MSH3: variants seen among roughly 807,000 people sequenced by gnomAD.
The protein encoded by MSH3 is DNA mismatch repair protein Msh3.
Under a neutral mutation model 123.3 loss-of-function variants are expected in MSH3, and 106 were observed. The observed-to-expected ratio is 0.86, with a 90% CI of 0.73 to 1.01. MSH3 has a LOEUF of 1.01. Ranked by LOEUF, MSH3 falls within the 50% of genes least tolerant of loss-of-function variation. MSH3 has a pLI of 0.00. For missense variants in MSH3, 1,459 were observed against 1,347.6 expected, an observed-to-expected ratio of 1.08 and a Z score of -1.29; for synonymous variants, 515 against 481.4, an observed-to-expected ratio of 1.07 and a Z score of -0.91.
intron 21 of MSH3, among the ~76,000 whole-genome samples, chr5:80,864,056 A>T (rs760419470): frequency 6.6e-6 from 1 of 152,212 alleles, no homozygotes; most frequent in Non-Finnish European, 1.5e-5. Context: ...TGGCAAGGAA[A>T]TATACTCCTT....
chr5:80,699,914 T>C (rs1387668178), intron 8 of MSH3, among the ~76,000 whole-genome samples: 1 of 152,222 alleles, frequency 6.6e-6, no homozygotes, highest in East Asian at 1.9e-4. Context: ...CCTTTTCTGT[T>C]GTGGTATTCG....
At chr5:80,873,020 A>C (rs1746247854) in intron 22 of MSH3, 96 bp from the exon 23 acceptor site, 2 of 1,107,064 alleles carry the variant, frequency 1.8e-6, no homozygotes, top group African/African-American at 3.1e-5. Context: ...AGATTGTACG[A>C]TTTAATAAAG....
At position 80,723,315 on chromosome 5, in the gene MSH3, A is replaced by G. The variant is rs574710238; in HGVS notation, c.1341-2138A>G. On this transcript the variant is annotated intron_variant, in intron 8 of 23. Transcript: ENST00000265081. Reference sequence around the variant, plus strand: ...TGTGGTCGTGATACAGAGATAGACAAAAAGACCAGTGGAACAGCATGGAGA... The same window carrying G: ...TGTGGTCGTGATACAGAGATAGACAGAAAGACCAGTGGAACAGCATGGAGA... Among the ~76,000 whole-genome samples, 18 of 152,222 alleles carry G rather than the reference A, an allele frequency of 1.2e-4. 1 individual carries two copies. Among genetic ancestry groups the G allele is most frequent in the African/African-American group, 4.3e-4 (18 of 41,560 alleles).
rs1751016495 is a variant in MSH3 at position 80,718,818 on chromosome 5, T to C, written c.1341-6635T>C. 2.6e-5 allele frequency among the ~76,000 whole-genome samples: 4 copies of C among 152,210 alleles called. No individual in the cohort carries two copies. The South Asian group carries it at 8.3e-4, about 31-fold the overall frequency. On this transcript the variant is annotated intron_variant, in intron 8 of 23. Transcript: ENST00000265081. The stretch of plus-strand genomic sequence containing the variant: ...TATGAACCCAAGGGCCTAATGTATT[T>C]TGGCTTCATTGCAGTTGTTATTCTT...
chr5:80,753,746 C>T (rs1319513917), intron 12 of MSH3, among the ~76,000 whole-genome samples: 1 of 151,962 alleles, frequency 6.6e-6, no homozygotes, highest in Middle Eastern at 3.2e-3. Flanking sequence ...GGGTGAGACT[C>T]TCATCACATA....
intron 12 of MSH3, among the ~76,000 whole-genome samples, chr5:80,745,142 T>C (rs1037652401): frequency 2.6e-5 from 4 of 152,164 alleles, no homozygotes; most frequent in Non-Finnish European, 5.9e-5. Flanking sequence ...GATACTTGAA[T>C]CCAGTGCCTA....
chr5:80,834,138 CGT>C (rs1430804631), intron 20 of MSH3, among the ~76,000 whole-genome samples: 1 of 152,066 alleles, frequency 6.6e-6, no homozygotes, highest in Non-Finnish European at 1.5e-5. Flanking sequence ...GTACTACATC[CGT>C]ACCATCAGGT....
At chr5:80,816,915 G>A (rs1431983380) in intron 20 of MSH3, among the ~76,000 whole-genome samples, 1 of 152,150 alleles carries the variant, frequency 6.6e-6, no homozygotes, top group East Asian at 1.9e-4. Context: ...ATTATTCTGA[G>A]ACATTCAAAG....
chr5:80,684,340 C>T (rs1464188884), intron 8 of MSH3, among the ~76,000 whole-genome samples: 2 of 151,920 alleles, frequency 1.3e-5, no homozygotes, highest in Non-Finnish European at 2.9e-5. Flanking sequence ...TTTGTGTGTT[C>T]TCTTCAATGT....
intron 8 of MSH3, among the ~76,000 whole-genome samples, chr5:80,688,106 A>C (rs1750135430): frequency 1.3e-5 from 2 of 152,206 alleles, no homozygotes. Flanking sequence ...ATTCAGAAAG[A>C]TACTTGGTTA....
intron 12 of MSH3, among the ~76,000 whole-genome samples, chr5:80,755,460 T>G (rs770251955): frequency 3.9e-5 from 6 of 152,154 alleles, no homozygotes; most frequent in Admixed American, 1.3e-4. Context: ...TTCTCCATCT[T>G]TATGCCTTTA....
chr5:80,719,778 A>T (rs1195011841), intron 8 of MSH3, among the ~76,000 whole-genome samples: 1 of 152,206 alleles, frequency 6.6e-6, no homozygotes, highest in Non-Finnish European at 1.5e-5. Flanking sequence ...ACAAATATGT[A>T]TTACATGCTC....
intron 8 of MSH3, among the ~76,000 whole-genome samples, chr5:80,692,436 AC>A (rs1750308993): frequency 2.2e-5 from 1 of 45,738 alleles, no homozygotes; most frequent in African/African-American, 1.5e-4. Context: ...AGATAGATAA[AC>A]ATGTATATGT....
intron 20 of MSH3, among the ~76,000 whole-genome samples, chr5:80,851,587 G>A (rs568883907): frequency 3.9e-5 from 6 of 152,034 alleles, no homozygotes; most frequent in Non-Finnish European, 8.8e-5. Flanking sequence ...TCAGTTTGTG[G>A]TTTGCCTTTA....
At chr5:80,827,880 A>G (rs73127254) in intron 20 of MSH3, among the ~76,000 whole-genome samples, 457 of 152,252 alleles carry the variant, frequency 3.0e-3, no homozygotes, top group African/African-American at 0.01. Context: ...AGGCCTTTAG[A>G]CACTATTTTT....
chr5:80,675,569 T>G (rs1749822378), intron 7 of MSH3, among the ~76,000 whole-genome samples: 1 of 152,296 alleles, frequency 6.6e-6, no homozygotes, highest in Admixed American at 6.5e-5. Context: ...TTGTGAGAAC[T>G]GTCATGAGAA....
At chr5:80,746,366 G>C (rs1743720890) in intron 12 of MSH3, 1 of 396,534 alleles carries the variant, frequency 2.5e-6, no homozygotes, top group Non-Finnish European at 5.0e-6. Flanking sequence ...TGGTTCGCTT[G>C]GCATACCTGG....
chr5:80,657,028 C>G (rs1749308548), intron 2 of MSH3, among the ~76,000 whole-genome samples: 1 of 113,138 alleles, frequency 8.8e-6, no homozygotes. Flanking sequence ...TTGCTACTAT[C>G]TTTTTCTACT....
At chr5:80,833,029 T>G (rs1174123530) in intron 20 of MSH3, among the ~76,000 whole-genome samples, 1 of 152,156 alleles carries the variant, frequency 6.6e-6, no homozygotes, top group Admixed American at 6.5e-5. Context: ...TTTTTCAAAT[T>G]TCCATGAAAG....
Sources: gnomAD v4.1 joint callset for allele counts (sites outside exome capture counted in the v4.1 genomes callset) on GRCh38, gnomAD v4.1.1 for gene constraint, MANE v1.5 for transcripts, NCBI Gene and HGNC (gene_info 2026-07-23, HGNC 2026-07-21) for gene names.